The following ANGPTL6 variants were observed in gnomAD, a reference collection of about 807,000 sequenced individuals.
ANGPTL6 encodes the protein angiopoietin-related protein 6.
ANGPTL6 carries 45 observed loss-of-function variants against 47.4 expected under a neutral mutation model. That is an observed-to-expected ratio of 0.95 (90% CI 0.75 to 1.22). ANGPTL6 has a LOEUF of 1.22. ANGPTL6 is among the 50% of genes most tolerant of loss of function. ANGPTL6 has a pLI of 0.00. For synonymous variants in ANGPTL6, 290 were observed against 295.9 expected (o/e 0.98, Z 0.20); for missense variants, 698 against 669.4 (o/e 1.04, Z -0.47).
chr19:10,101,549 TG>T (rs1418452525), intron 1 of ANGPTL6, among the ~76,000 whole-genome samples: 12 of 152,130 alleles, frequency 7.9e-5, no homozygotes, highest in African/African-American at 2.9e-4. Context: ...GGCTCACGCC[TG>T]TAATCCCAGC....
chr19:10,103,634 AT>A (rs1568477151), upstream of ANGPTL6, among the ~76,000 whole-genome samples: 2 of 144,748 alleles, frequency 1.4e-5, no homozygotes, highest in Non-Finnish European at 3.1e-5. Context: ...TAATAAATAA[AT>A]AATAATAAAG....
At chr19:10,097,353 G>T (rs958372388) in intron 1 of ANGPTL6, among the ~76,000 whole-genome samples, 1 of 150,970 alleles carries the variant, frequency 6.6e-6, no homozygotes, top group African/African-American at 2.4e-5. Flanking sequence ...CTGCACTCAA[G>T]CCTGGGCGAC....
upstream of ANGPTL6, among the ~76,000 whole-genome samples, chr19:10,105,496 G>A (rs2088797116): frequency 6.6e-6 from 1 of 152,062 alleles, no homozygotes; most frequent in Admixed American, 6.6e-5. Flanking sequence ...AAACAGGGAT[G>A]GGGCCAGACA....
Sources: gnomAD v4.1 joint callset for allele counts (sites outside exome capture counted in the v4.1 genomes callset) on GRCh38, gnomAD v4.1.1 for gene constraint, MANE v1.5 for transcripts, NCBI Gene and HGNC (gene_info 2026-07-23, HGNC 2026-07-21) for gene names.